Variants in SLC8A3 observed in about 807,000 individuals in gnomAD.
SLC8A3 encodes sodium/calcium exchanger 3.
In SLC8A3, 37 loss-of-function variants were observed where a neutral mutation model predicts 65.4. The ratio of observed to expected loss-of-function variants is 0.57; its 90% CI spans 0.44 to 0.74. The LOEUF (loss-of-function observed/expected upper bound fraction) is 0.74. Ranked by LOEUF, SLC8A3 falls within the 30% of genes least tolerant of loss-of-function variation. The pLI, the probability that SLC8A3 is intolerant of heterozygous loss-of-function variation, is 0.00. For synonymous variants in SLC8A3, 461 were observed against 444.5 expected, an observed-to-expected ratio of 1.04 and a Z score of -0.47; for missense variants, 1,112 against 1,172.1, an observed-to-expected ratio of 0.95 and a Z score of 0.75.
intron 2 of SLC8A3, among the ~76,000 whole-genome samples, chr14:70,099,599 G>A (rs1657088407): frequency 6.6e-6 from 1 of 152,210 alleles, no homozygotes; most frequent in Non-Finnish European, 1.5e-5. Flanking sequence ...GTCTACAAAT[G>A]TAGTTAGTAC....
chr14:70,054,260 G>A (rs111779356), intron 3 of SLC8A3, among the ~76,000 whole-genome samples: 85 of 151,648 alleles, frequency 5.6e-4, no homozygotes, highest in South Asian at 1.3e-3. Context: ...GCTTGGGGGT[G>A]GGGGGGTGGT....
At chr14:70,138,813 T>G (rs1178185641) in intron 2 of SLC8A3, among the ~76,000 whole-genome samples, 1 of 152,206 alleles carries the variant, frequency 6.6e-6, no homozygotes, top group Non-Finnish European at 1.5e-5. Context: ...AGGACCACAG[T>G]CTCAGTGCTG....
intron 2 of SLC8A3, among the ~76,000 whole-genome samples, chr14:70,149,852 A>T (rs774901119): frequency 3.9e-4 from 60 of 152,142 alleles, no homozygotes; most frequent in Non-Finnish European, 8.7e-4. Context: ...CCACATCGGG[A>T]TGCAGAGGAG....
chr14:70,142,813 G>A (rs1425286230), intron 2 of SLC8A3, among the ~76,000 whole-genome samples: 1 of 152,142 alleles, frequency 6.6e-6, no homozygotes, highest in African/African-American at 2.4e-5. Flanking sequence ...TCTGTCGTAT[G>A]TATTGACTTA....
intron 2 of SLC8A3, among the ~76,000 whole-genome samples, chr14:70,088,751 T>C (rs766729365): frequency 6.6e-6 from 1 of 152,172 alleles, no homozygotes; most frequent in Non-Finnish European, 1.5e-5. Flanking sequence ...TTATTTTCTT[T>C]ACCAAAGCTT....
At chr14:70,140,911 AG>A (rs1408528858) in intron 2 of SLC8A3, among the ~76,000 whole-genome samples, 3 of 152,226 alleles carry the variant, frequency 2.0e-5, no homozygotes, top group Non-Finnish European at 4.4e-5. Flanking sequence ...GCTACTTAAA[AG>A]CAGGACCAAA....
rs777544172 is a variant in SLC8A3, at chr14:70,166,631, T to C, written c.1784+8A>G. 6.6e-7 allele frequency: 1 copy of C among 1,524,078 alleles called. No homozygotes were observed. The allele number at this position is 1,524,078 out of a possible 1,614,324, so 94.4% of individuals were successfully genotyped here. A position where few individuals can be genotyped will look rare whatever the true frequency, so the allele number is the denominator to read the frequency against. On this transcript the variant is annotated splice_region_variant and intron_variant, in intron 2 of 6. Coordinates refer to ENST00000356921, the MANE Select transcript of SLC8A3 (RefSeq NM_182932.3). ...CAGGGAGGGGCAGAATACAGGAAGG[T>C]TACTTACACAGTTTCATCATTCTTG...
chr14:70,102,993 A>G (rs1411421917), intron 2 of SLC8A3, among the ~76,000 whole-genome samples: 2 of 152,080 alleles, frequency 1.3e-5, no homozygotes, highest in African/African-American at 2.4e-5. Flanking sequence ...CAACAATAAT[A>G]CCACTTAGGC....
At chr14:70,139,199 C>A (rs1267759784) in intron 2 of SLC8A3, among the ~76,000 whole-genome samples, 1 of 152,146 alleles carries the variant, frequency 6.6e-6, no homozygotes, top group Non-Finnish European at 1.5e-5. Context: ...AGGAGGGGTG[C>A]CTGAGTTGTT....
intron 1 of SLC8A3, among the ~76,000 whole-genome samples, chr14:70,172,153 C>G (rs997744408): frequency 6.6e-6 from 1 of 151,246 alleles, no homozygotes; most frequent in East Asian, 1.9e-4. Context: ...AGATCTTTTC[C>G]CCCACCCAGG....
At chr14:70,168,684 G>T (rs150755413) in intron 1 of SLC8A3, among the ~76,000 whole-genome samples, 200 bp from the exon 2 acceptor site, 205 of 152,286 alleles carry the variant, frequency 1.3e-3, no homozygotes, top group Admixed American at 1.9e-3. Context: ...TGGAGACTCC[G>T]TTGAAAAATG....
At chr14:70,156,423 C>T (rs563221090) in intron 2 of SLC8A3, among the ~76,000 whole-genome samples, 1 of 152,178 alleles carries the variant, frequency 6.6e-6, no homozygotes. Flanking sequence ...TCTTGAATCC[C>T]AGGACTAGGA....
intron 1 of SLC8A3, among the ~76,000 whole-genome samples, chr14:70,175,705 T>C (rs1323645822): frequency 6.6e-6 from 1 of 151,706 alleles, no homozygotes; most frequent in Admixed American, 6.6e-5. Context: ...CTATGAAAAA[T>C]TTCAAGTCAA....
At chr14:70,078,048 G>A (rs4899325) in intron 2 of SLC8A3, among the ~76,000 whole-genome samples, 14,313 of 152,256 alleles carry the variant, frequency 0.094, 1,125 homozygotes, top group East Asian at 0.41. Flanking sequence ...CAGCCAGGAA[G>A]GCCTCCTGAT....
Position 70,045,793 on chromosome 14 carries a change from A to T in SLC8A3, c.*154T>A. ...TGATTAAGACTTTGCCCTTTCAGTT[A>T]ATTGCCAGGGCCTAAGTTGGGTGAA... On this transcript the variant is annotated 3_prime_UTR_variant, in exon 7 of 7. Coordinates refer to ENST00000356921, the MANE Select transcript of SLC8A3 (RefSeq NM_182932.3). The T allele has an allele frequency of 3.1e-6, 2 of 652,334 alleles. No homozygotes were observed. The highest frequency in any genetic ancestry group is 5.1e-6 in the Non-Finnish European group (2 of 392,618). The allele number at this position is 652,334 out of a possible 1,614,324, so 40.4% of individuals were successfully genotyped here.
rs146188088 is a variant in SLC8A3, at chr14:70,157,880, G to A, written c.1784+8759C>T. On this transcript the variant is annotated intron_variant, in intron 2 of 6. Coordinates refer to ENST00000356921, the MANE Select transcript of SLC8A3 (RefSeq NM_182932.3). ...CCTGGTGCTATCATGAAGCTAGTTC[G>A]TTCTGGCTAAATGACAGGCTTTCTT... Among the ~76,000 whole-genome samples, 21 of 152,328 alleles carry A rather than the reference G, an allele frequency of 1.4e-4. No individual in the cohort carries two copies. In the East Asian group the frequency reaches 3.1e-3, roughly 22 times the overall value.
intron 2 of SLC8A3, among the ~76,000 whole-genome samples, chr14:70,142,110 AG>A (rs1398043186): frequency 6.6e-6 from 1 of 152,224 alleles, no homozygotes; most frequent in African/African-American, 2.4e-5. Context: ...AGAAATCAGA[AG>A]GGTGAGACCC....
intron 2 of SLC8A3, among the ~76,000 whole-genome samples, chr14:70,157,976 C>A (rs930601085): frequency 9.2e-5 from 14 of 152,080 alleles, no homozygotes; most frequent in African/African-American, 3.4e-4. Context: ...CTGAAAGCAA[C>A]CCAAGCACAG....
chr14:70,124,528 CTGCAATCACTT>C (rs1172059506), intron 2 of SLC8A3, among the ~76,000 whole-genome samples: 1 of 152,240 alleles, frequency 6.6e-6, no homozygotes, highest in African/African-American at 2.4e-5. Flanking sequence ...CTCATTCTAC[CTGCAATCACTT>C]TGTCCTTTAC....
Sources: allele counts gnomAD v4.1 joint callset (sites outside exome capture counted in the v4.1 genomes callset), GRCh38; gene constraint gnomAD v4.1.1; transcripts MANE v1.5; gene names NCBI Gene and HGNC (gene_info 2026-07-23, HGNC 2026-07-21).